The following DOCK2 variants were observed in gnomAD, a reference collection of about 807,000 sequenced individuals.
DOCK2 encodes the protein dedicator of cytokinesis 2, also known as dedicator of cytokinesis protein 2.
A neutral mutation model predicts 248.9 loss-of-function variants in DOCK2; 87 were observed. The ratio of observed to expected loss-of-function variants is 0.35; its 90% CI spans 0.29 to 0.42. The LOEUF is 0.42. Ranked by LOEUF, DOCK2 falls within the 10% of genes least tolerant of loss-of-function variation. The pLI is 1.00. For synonymous variants in DOCK2, 805 were observed against 821.6 expected, an observed-to-expected ratio of 0.98 and a Z score of 0.35; for missense variants, 1,747 against 2,300.2, an observed-to-expected ratio of 0.76 and a Z score of 4.92.
chr5:170,028,000 G>A (rs759611435), intron 34 of DOCK2, 52 bp downstream of exon 34: 14 of 1,541,548 alleles, frequency 9.1e-6, no homozygotes, highest in South Asian at 1.2e-5. Context: ...CAGGTGAGGC[G>A]GGAGGGCTCA....
At chr5:169,747,557 A>G in intron 23 of DOCK2, 53 bp downstream of exon 23, 1 of 1,456,744 alleles carries the variant, frequency 6.9e-7, no homozygotes, top group Middle Eastern at 1.9e-4. Flanking sequence ...CCAGTAAATA[A>G]CAGCATGCTA....
At position 169,930,094 on chromosome 5, in the gene DOCK2, G is replaced by T. The variant is rs1166096825; in HGVS notation, c.2800-52974G>T. Among the ~76,000 whole-genome samples, 5 of 152,282 alleles carry T rather than the reference G, an allele frequency of 3.3e-5. No homozygotes were observed. The East Asian group carries it at 9.7e-4, about 29-fold the overall frequency. ...CAATCTCTGCCTCCTGGGTTCCGGT[G>T]ATTCCCCTGCCTCAGCCTCCCGAGT... On this transcript the variant is annotated intron_variant, in intron 27 of 51. Transcript: ENST00000520908.
intron 19 of DOCK2, among the ~76,000 whole-genome samples, chr5:169,715,758 A>G (rs1761873152): frequency 6.6e-6 from 1 of 152,112 alleles, no homozygotes; most frequent in Admixed American, 6.5e-5. Context: ...TTAGCATTAT[A>G]GTAGATTCCC....
At position 170,050,184 on chromosome 5, in the gene DOCK2, T is replaced by C. The variant is rs1756866280; in HGVS notation, c.4072-72T>C. ...CATGGACCGTGGTCATTTTACAAGC[T>C]CCCCAGCTTTGCTTGGCCCCTTTCT... On this transcript the variant is annotated intron_variant, in intron 40 of 51. Coordinates refer to ENST00000520908, the MANE Select transcript of DOCK2 (RefSeq NM_004946.3). The C allele has an allele frequency of 1.9e-6, 3 of 1,570,204 alleles. No homozygotes were observed. In the Admixed American group the frequency reaches 5.3e-5, roughly 28 times the overall value.
intron 22 of DOCK2, among the ~76,000 whole-genome samples, chr5:169,743,168 G>A (rs1763415878): frequency 6.6e-6 from 1 of 152,208 alleles, no homozygotes; most frequent in East Asian, 1.9e-4. Flanking sequence ...TTTCAAGGGG[G>A]GGTCCCACAA....
Position 169,700,036 on chromosome 5 carries a change from G to A in DOCK2, c.1155G>A (p.Met385Ile). 6.2e-7 allele frequency: 1 copy of A among 1,613,952 alleles called. No individual in the cohort carries two copies. The highest frequency in any genetic ancestry group is 8.5e-7 in the Non-Finnish European group (1 of 1,179,862). Reference protein sequence around the residue: ...GGQGLWVTMKMLVGDIIQIRK... With the variant: ...GGQGLWVTMKILVGDIIQIRK... The stretch of plus-strand genomic sequence containing the variant: ...CAGGCCTCTGGGTGACCATGAAGAT[G>A]CTGGTGGGTGACATCATTCAGATTC... Residue 385 changes from methionine to isoleucine, a missense_variant, in exon 13 of 52, where the codon ATG (methionine) becomes ATA (isoleucine). Physicochemically the swap from Met to Ile is conservative, Grantham distance 10. Coordinates refer to ENST00000520908, the MANE Select transcript of DOCK2 (RefSeq NM_004946.3).
intron 26 of DOCK2, among the ~76,000 whole-genome samples, chr5:169,835,212 G>A (rs2113306868): frequency 6.6e-6 from 1 of 151,012 alleles, no homozygotes; most frequent in South Asian, 2.1e-4. Context: ...GAAATGGGAA[G>A]GATGCATGTG....
intron 46 of DOCK2, among the ~76,000 whole-genome samples, chr5:170,073,267 A>G (rs1757738609): frequency 6.6e-6 from 1 of 151,992 alleles, no homozygotes; most frequent in Non-Finnish European, 1.5e-5. Flanking sequence ...TTGACCCCCC[A>G]AATTGACCAT....
intron 25 of DOCK2, among the ~76,000 whole-genome samples, chr5:169,767,724 A>G (rs1764870060): frequency 6.6e-6 from 1 of 152,232 alleles, no homozygotes; most frequent in Non-Finnish European, 1.5e-5. Flanking sequence ...ACTAACCATA[A>G]CAATAGTAAC....
intron 27 of DOCK2, among the ~76,000 whole-genome samples, chr5:169,977,115 A>T (rs918415290): frequency 1.5e-4 from 23 of 152,258 alleles, no homozygotes; most frequent in African/African-American, 5.3e-4. Flanking sequence ...AGGCTTCTGA[A>T]CAATTTGGAC....
intron 34 of DOCK2, among the ~76,000 whole-genome samples, chr5:170,031,607 C>T (rs553206179): frequency 6.6e-6 from 1 of 152,308 alleles, no homozygotes; most frequent in South Asian, 2.1e-4. Context: ...GTGGTAGTAT[C>T]ATTATATATT....
intron 27 of DOCK2, among the ~76,000 whole-genome samples, chr5:169,873,931 C>G (rs1481335979): frequency 6.6e-6 from 1 of 152,122 alleles, no homozygotes; most frequent in African/African-American, 2.4e-5. Context: ...GAGGCTTTGG[C>G]CTGCATTCCA....
chr5:169,637,592 T>G (rs1346838462), intron 1 of DOCK2, among the ~76,000 whole-genome samples: 1 of 152,198 alleles, frequency 6.6e-6, no homozygotes, highest in Non-Finnish European at 1.5e-5. Context: ...CCCTCTCGCC[T>G]GCTGAGGGAA....
intron 25 of DOCK2, among the ~76,000 whole-genome samples, chr5:169,771,685 T>C (rs183785210): frequency 4.7e-4 from 71 of 152,336 alleles, no homozygotes; most frequent in Admixed American, 1.6e-3. Flanking sequence ...TGTGAATATC[T>C]TCTCCCAGTT....
chr5:169,884,095 T>C (rs1199670401), intron 27 of DOCK2: 16 of 425,734 alleles, frequency 3.8e-5, no homozygotes, highest in Admixed American at 2.7e-4. Flanking sequence ...CTATCTGTAA[T>C]GCTTTCCCTG....
At chr5:169,807,225 C>T (rs1313184689) in intron 26 of DOCK2, among the ~76,000 whole-genome samples, 1 of 152,142 alleles carries the variant, frequency 6.6e-6, no homozygotes, top group Non-Finnish European at 1.5e-5. Flanking sequence ...AACTGTCAGC[C>T]AGCATGAAGA....
At chr5:169,864,453 C>G in intron 27 of DOCK2, 1 of 1,535,742 alleles carries the variant, frequency 6.5e-7, no homozygotes, top group Non-Finnish European at 8.8e-7. Context: ...GAAAATCATA[C>G]TCTACACTGA....
intron 23 of DOCK2, among the ~76,000 whole-genome samples, chr5:169,756,949 C>T (rs73801936): frequency 0.018 from 2,777 of 151,184 alleles, 90 homozygotes; most frequent in African/African-American, 0.065. Context: ...AAATGAAATG[C>T]TTGGACTAGC....
rs370279680 is a variant in DOCK2, at chr5:169,953,279, G to A, written c.2800-29789G>A. The stretch of plus-strand genomic sequence containing the variant: ...ACCCAGGAGGCGGAGGTTGCAGTAA[G>A]CCGAGATTACACCATTATACTCCAG... On this transcript the variant is annotated intron_variant, in intron 27 of 51. Transcript: ENST00000520908. Among the ~76,000 whole-genome samples, 12 of 150,380 alleles carry A rather than the reference G, an allele frequency of 8.0e-5. No homozygotes were observed. In the South Asian group the frequency reaches 1.5e-3, roughly 18 times the overall value.
Sources: allele counts gnomAD v4.1 joint callset (sites outside exome capture counted in the v4.1 genomes callset), GRCh38; gene constraint gnomAD v4.1.1; transcripts MANE v1.5; gene names NCBI Gene and HGNC (gene_info 2026-07-23, HGNC 2026-07-21).